Variants in CCDC171 observed in about 807,000 individuals in gnomAD.
CCDC171 encodes coiled-coil domain containing 171.
A neutral mutation model predicts 168.2 loss-of-function variants in CCDC171; 177 were observed. That is an observed-to-expected ratio of 1.05 (90% CI 0.93 to 1.19). CCDC171 has a LOEUF of 1.19. CCDC171 is among the 50% of genes most tolerant of loss of function. CCDC171 has a pLI of 0.00. For synonymous variants in CCDC171, 687 were observed against 540.8 expected (o/e 1.27, Z -3.75); for missense variants, 1,991 against 1,539.0 (o/e 1.29, Z -4.91).
intron 11 of CCDC171, among the ~76,000 whole-genome samples, chr9:15,718,202 T>A (rs1279731268): frequency 1.3e-5 from 2 of 152,204 alleles, no homozygotes; most frequent in Non-Finnish European, 2.9e-5. Context: ...CTGGAAGTAC[T>A]CCTGGTGGGC....
chr9:15,790,841 T>C (rs1466891645), intron 21 of CCDC171, among the ~76,000 whole-genome samples: 1 of 152,224 alleles, frequency 6.6e-6, no homozygotes, highest in East Asian at 1.9e-4. Flanking sequence ...CAGCACCATT[T>C]ATTAAACAGG....
intron 6 of CCDC171, among the ~76,000 whole-genome samples, chr9:16,023,719 T>G (rs1315481521): frequency 1.3e-5 from 2 of 152,162 alleles, no homozygotes; most frequent in Non-Finnish European, 2.9e-5. Flanking sequence ...TTTTGCTTTT[T>G]TTCTCTGAAT....
At chr9:15,954,026 T>A (rs1157455777) in intron 25 of CCDC171, among the ~76,000 whole-genome samples, 1 of 152,026 alleles carries the variant, frequency 6.6e-6, no homozygotes, top group African/African-American at 2.4e-5. Context: ...ATATCCCCAC[T>A]TTCTCTTTTG....
At chr9:15,607,523 G>T (rs11791177) in intron 6 of CCDC171, among the ~76,000 whole-genome samples, 3 of 151,838 alleles carry the variant, frequency 2.0e-5, no homozygotes, top group East Asian at 1.9e-4. Context: ...GTGCAGTGGC[G>T]CGATCTTGGT....
chr9:15,684,007 A>G (rs1271277091), intron 10 of CCDC171, among the ~76,000 whole-genome samples: 1 of 152,086 alleles, frequency 6.6e-6, no homozygotes, highest in Non-Finnish European at 1.5e-5. Context: ...GAACTAAGAG[A>G]CTAGCTATCA....
chr9:16,095,899 T>TATAC, the CCDC171 span, among the ~76,000 whole-genome samples: 98 of 140,230 alleles, frequency 7.0e-4, 1 homozygote, highest in Non-Finnish European at 9.4e-4. Flanking sequence ...TATATATATA[T>TATAC]ACTGCCTCCA....
At chr9:15,905,505 T>A (rs370078481) in intron 24 of CCDC171, among the ~76,000 whole-genome samples, 1 of 152,056 alleles carries the variant, frequency 6.6e-6, no homozygotes, top group East Asian at 1.9e-4. Context: ...CCAGAATCTC[T>A]GGGACACATT....
intron 23 of CCDC171, among the ~76,000 whole-genome samples, chr9:15,872,186 T>C (rs1045444737): frequency 4.6e-5 from 7 of 152,056 alleles, no homozygotes; most frequent in Non-Finnish European, 2.9e-5. Flanking sequence ...ATGATTATGA[T>C]GTTCATCATT....
At chr9:15,933,960 A>G (rs768257151) in intron 25 of CCDC171, among the ~76,000 whole-genome samples, 3 of 151,966 alleles carry the variant, frequency 2.0e-5, no homozygotes, top group African/African-American at 4.8e-5. Flanking sequence ...GCATGGAAAG[A>G]CTCTATCAAG....
At chr9:15,794,311 A>G (rs2058436059) in intron 21 of CCDC171, among the ~76,000 whole-genome samples, 1 of 152,054 alleles carries the variant, frequency 6.6e-6, no homozygotes, top group Admixed American at 6.6e-5. Context: ...CTAAAAATAC[A>G]AAAATTAGCC....
At chr9:15,642,721 T>G (rs2046740596) in intron 7 of CCDC171, among the ~76,000 whole-genome samples, 1 of 152,180 alleles carries the variant, frequency 6.6e-6, no homozygotes, top group African/African-American at 2.4e-5. Context: ...ATAAGCACCT[T>G]ATAATTTTCT....
intron 7 of CCDC171, among the ~76,000 whole-genome samples, chr9:15,643,933 A>AT (rs2046834906): frequency 6.6e-6 from 1 of 152,308 alleles, no homozygotes; most frequent in East Asian, 1.9e-4. Flanking sequence ...GCTGGATAAT[A>AT]TTCCATTCTA....
chr9:15,766,617 TG>T (rs1427906929), intron 18 of CCDC171, among the ~76,000 whole-genome samples: 1 of 151,912 alleles, frequency 6.6e-6, no homozygotes, highest in Non-Finnish European at 1.5e-5. Context: ...CAACTCTTCC[TG>T]GCATTTAGAT....
chr9:15,554,854 T>C (rs1290454643), intron 1 of CCDC171, among the ~76,000 whole-genome samples: 1 of 152,184 alleles, frequency 6.6e-6, no homozygotes, highest in Admixed American at 6.5e-5. Context: ...AGTTTTCTTA[T>C]CTGTGAAATG....
chr9:15,684,966 C>T (rs1275260862), intron 10 of CCDC171, among the ~76,000 whole-genome samples: 1 of 152,186 alleles, frequency 6.6e-6, no homozygotes, highest in South Asian at 2.1e-4. Flanking sequence ...TTCACCTAAA[C>T]ATCATCTGCT....
chr9:15,636,320 A>T (rs2046197192), intron 7 of CCDC171, among the ~76,000 whole-genome samples: 1 of 152,198 alleles, frequency 6.6e-6, no homozygotes, highest in South Asian at 2.1e-4. Flanking sequence ...AAGGAATAAA[A>T]ATATGAAATT....
chr9:16,055,111 A>G (rs898521305), intron 1 of CCDC171, among the ~76,000 whole-genome samples: 7 of 152,178 alleles, frequency 4.6e-5, no homozygotes, highest in Admixed American at 2.6e-4. Flanking sequence ...AGAGAAGGAC[A>G]AAGGAGGACC....
At chr9:15,847,575 A>G (rs932641793) in intron 22 of CCDC171, among the ~76,000 whole-genome samples, 7 of 152,120 alleles carry the variant, frequency 4.6e-5, no homozygotes, top group Admixed American at 2.0e-4. Flanking sequence ...GTACAACAGC[A>G]TGGCTTAAAG....
intron 25 of CCDC171, among the ~76,000 whole-genome samples, chr9:15,962,736 C>G (rs1433273970): frequency 2.6e-5 from 4 of 151,822 alleles, no homozygotes. Flanking sequence ...AAAAATTTAA[C>G]CTTTCAAACC....
Sources: gnomAD v4.1 joint callset for allele counts (sites outside exome capture counted in the v4.1 genomes callset) on GRCh38, gnomAD v4.1.1 for gene constraint, MANE v1.5 for transcripts, NCBI Gene and HGNC (gene_info 2026-07-23, HGNC 2026-07-21) for gene names.